The following ITGA9 variants were observed in gnomAD, a reference collection of about 807,000 sequenced individuals.
ITGA9 encodes integrin alpha-9.
In ITGA9, 56 loss-of-function variants were observed where a neutral mutation model predicts 127.8. That is an observed-to-expected ratio of 0.44 (90% CI 0.35 to 0.55). The LOEUF is 0.55. Among genes scored for constraint, ITGA9 ranks in the 20% least tolerant of loss-of-function variants. The probability of loss-of-function intolerance (pLI) is 0.00; values close to 1 mark genes in which losing one functional copy is unlikely to be tolerated. For synonymous variants in ITGA9, 508 were observed against 514.5 expected (o/e 0.99, Z 0.17); for missense variants, 1,196 against 1,347.1 (o/e 0.89, Z 1.76).
chr3:37,823,079 CA>C lies in ITGA9; in HGVS notation c.*4094del, dbSNP rs1472796061. The C allele has an allele frequency of 6.6e-6, 1 of 152,148 alleles. No homozygotes were observed. The highest frequency in any genetic ancestry group is 1.5e-5 in the Non-Finnish European group (1 of 68,032). The allele number at this position is 152,148 out of a possible 1,614,324, so 9.4% of individuals were successfully genotyped here. On this transcript the variant is annotated 3_prime_UTR_variant, in exon 28 of 28. Transcript: ENST00000264741. ...AGGGAGAATACAGAGCCAGTAGGGC[CA>C]AAATGAAACTTCTAGGATGTCTTCT...
chr3:37,748,767 A>AT, intron 22 of ITGA9: 1 of 626,420 alleles, frequency 1.6e-6, no homozygotes, highest in Admixed American at 2.7e-5. Context: ...AAAAAAAAAA[A>AT]GAAGGAAGCC....
chr3:37,528,713 A>G (rs560864320), intron 13 of ITGA9, among the ~76,000 whole-genome samples: 45 of 152,234 alleles, frequency 3.0e-4, no homozygotes, highest in Non-Finnish European at 5.9e-4. Flanking sequence ...TGCCTGGCAC[A>G]GTGTGAGCAC....
intron 10 of ITGA9, among the ~76,000 whole-genome samples, chr3:37,518,093 C>CGTGT (rs55842055): frequency 0.038 from 5,455 of 144,164 alleles, 325 homozygotes; most frequent in African/African-American, 0.13. Context: ...AGAGTGTACG[C>CGTGT]GTGTGTGTGT....
At chr3:37,693,208 T>C (rs1042643151) in intron 18 of ITGA9, among the ~76,000 whole-genome samples, 2 of 152,200 alleles carry the variant, frequency 1.3e-5, no homozygotes, top group African/African-American at 2.4e-5. Context: ...TCTGATCTCC[T>C]TGAGAGACTG....
intron 18 of ITGA9, among the ~76,000 whole-genome samples, chr3:37,708,632 AG>A (rs1462729664): frequency 0.096 from 18 of 188 alleles, no homozygotes; most frequent in Middle Eastern, 0.5. Context: ...TGGGTATGCC[AG>A]GGATGCTGCT....
intron 13 of ITGA9, among the ~76,000 whole-genome samples, chr3:37,530,717 G>T (rs1049507972): frequency 1.2e-5 from 1 of 86,240 alleles, no homozygotes; most frequent in Non-Finnish European, 2.1e-5. Context: ...CAGCTACCAG[G>T]TTTTTTTTTT....
intron 23 of ITGA9, among the ~76,000 whole-genome samples, chr3:37,758,958 A>C (rs1222535746): frequency 6.6e-6 from 1 of 152,046 alleles, no homozygotes; most frequent in East Asian, 1.9e-4. Flanking sequence ...AGATGTTTAC[A>C]TACAGCCTCT....
chr3:37,495,030 G>A (rs1361746425), intron 5 of ITGA9, among the ~76,000 whole-genome samples: 1 of 152,192 alleles, frequency 6.6e-6, no homozygotes, highest in African/African-American at 2.4e-5. Flanking sequence ...CTGGAGTGCA[G>A]TGGCATGATC....
chr3:37,777,664 A>C (rs1696924861), intron 24 of ITGA9, 147 bp downstream of exon 24: 1 of 871,082 alleles, frequency 1.1e-6, no homozygotes, highest in Non-Finnish European at 1.8e-6. Context: ...CCTAATTTTC[A>C]GTCTGAGGTT....
Position 37,596,611 on chromosome 3 carries a change from A to G in ITGA9, c.1690-32576A>G, listed in dbSNP as rs939298012. 2.6e-5 allele frequency among the ~76,000 whole-genome samples: 4 copies of G among 152,160 alleles called. No homozygotes were observed. In the South Asian group the frequency reaches 8.3e-4, roughly 32 times the overall value. The stretch of plus-strand genomic sequence containing the variant: ...GTCCTGCTCCCCCGGAGGAGGACAT[A>G]TGAGTGCATCTCAGGGTGAAAGCTG... On this transcript the variant is annotated intron_variant, in intron 15 of 27. Coordinates refer to ENST00000264741, the MANE Select transcript of ITGA9 (RefSeq NM_002207.3).
chr3:37,791,982 T>C (rs973667312), intron 26 of ITGA9, among the ~76,000 whole-genome samples: 3 of 152,312 alleles, frequency 2.0e-5, no homozygotes, highest in African/African-American at 7.2e-5. Flanking sequence ...CATGTGACAA[T>C]AGAATCTTTC....
chr3:37,639,725 C>T (rs1001632277), intron 16 of ITGA9, among the ~76,000 whole-genome samples: 1 of 152,092 alleles, frequency 6.6e-6, no homozygotes, highest in Non-Finnish European at 1.5e-5. Context: ...GAGCTTGTTG[C>T]AGGGGCCTTT....
intron 8 of ITGA9, among the ~76,000 whole-genome samples, chr3:37,509,976 C>T (rs1324276675): frequency 6.6e-6 from 1 of 151,134 alleles, no homozygotes; most frequent in Admixed American, 6.6e-5. Flanking sequence ...CAATCTCCCT[C>T]TTCCCTTCAA....
intron 18 of ITGA9, among the ~76,000 whole-genome samples, chr3:37,730,142 G>A (rs1696269722): frequency 6.6e-6 from 1 of 152,178 alleles, no homozygotes; most frequent in Admixed American, 6.5e-5. Flanking sequence ...ATATGTATAT[G>A]TGTATGTGTG....
intron 4 of ITGA9, among the ~76,000 whole-genome samples, chr3:37,485,152 A>G (rs545837742): frequency 1.3e-5 from 2 of 152,240 alleles, no homozygotes; most frequent in South Asian, 4.2e-4. Flanking sequence ...GCCAGTGTGT[A>G]CTGCTGGAGC....
chr3:37,776,521 T>G (rs1187210957), intron 23 of ITGA9, among the ~76,000 whole-genome samples: 2 of 152,264 alleles, frequency 1.3e-5, no homozygotes, highest in African/African-American at 4.8e-5. Flanking sequence ...TTATTAATTT[T>G]CTGGTTTAAC....
At chr3:37,783,793 A>G (rs922225147) in intron 25 of ITGA9, among the ~76,000 whole-genome samples, 1 of 152,212 alleles carries the variant, frequency 6.6e-6, no homozygotes, top group African/African-American at 2.4e-5. Context: ...TTGAATGACA[A>G]GCTTCCCAAA....
chr3:37,777,438 C>G lies in ITGA9; in HGVS notation c.2588C>G (p.Pro863Arg), dbSNP rs1490478926. ...GNCSFQKNPT[P>R]CIIPQEQENI... Reference sequence around the variant, plus strand: ...TGCTCTTTCCAGAAAAACCCAACTCCCTGCATCATCCCTCAAGAACAAGAA... The same window carrying G: ...TGCTCTTTCCAGAAAAACCCAACTCGCTGCATCATCCCTCAAGAACAAGAA... The change falls in exon 24 of 28, where the codon CCC (proline) becomes CGC (arginine). Residue 863 changes from proline (P) to arginine (R), a missense_variant. Transcript: ENST00000264741. 1.9e-6 allele frequency: 3 copies of G among 1,613,942 alleles called. No individual in the cohort carries two copies. The African/African-American group carries it at 4.0e-5, about 22-fold the overall frequency.
intron 15 of ITGA9, among the ~76,000 whole-genome samples, chr3:37,589,448 A>G (rs2125614254): frequency 6.6e-6 from 1 of 152,356 alleles, no homozygotes; most frequent in South Asian, 2.1e-4. Flanking sequence ...CATAAACATA[A>G]TTAACATGGA....
Sources: allele counts gnomAD v4.1 joint callset (sites outside exome capture counted in the v4.1 genomes callset), GRCh38; gene constraint gnomAD v4.1.1; transcripts MANE v1.5; gene names NCBI Gene and HGNC (gene_info 2026-07-23, HGNC 2026-07-21).